The following FBLN2 variants were observed in gnomAD, a reference collection of about 807,000 sequenced individuals.
FBLN2 encodes the protein fibulin 2.
A neutral mutation model predicts 123.7 loss-of-function variants in FBLN2; 81 were observed. That is an observed-to-expected ratio of 0.65 (90% CI 0.55 to 0.79). The LOEUF (loss-of-function observed/expected upper bound fraction) is 0.79. Ranked by LOEUF, FBLN2 falls within the 30% of genes least tolerant of loss-of-function variation. FBLN2 has a pLI of 0.00. For missense variants in FBLN2, 1,603 were observed against 1,681.3 expected, an observed-to-expected ratio of 0.95 and a Z score of 0.81; for synonymous variants, 699 against 701.4, an observed-to-expected ratio of 1.00 and a Z score of 0.05.
intron 1 of FBLN2, among the ~76,000 whole-genome samples, chr3:13,558,874 G>A: frequency 6.6e-6 from 1 of 151,066 alleles, no homozygotes. Flanking sequence ...TTTAAAGCAT[G>A]GGGTGGGATT....
chr3:13,580,380 C>T (rs190589184), intron 2 of FBLN2, among the ~76,000 whole-genome samples: 5 of 152,242 alleles, frequency 3.3e-5, no homozygotes, highest in Admixed American at 6.5e-5. Flanking sequence ...TCTATTCATG[C>T]GACAAATATT....
At chr3:13,573,822 C>T (rs1439565028) in intron 2 of FBLN2, among the ~76,000 whole-genome samples, 4 of 150,740 alleles carry the variant, frequency 2.7e-5, no homozygotes, top group Middle Eastern at 3.2e-3. Context: ...AGAATCACCA[C>T]CTGGGAGGCA....
chr3:13,557,533 T>G (rs1703494666), intron 1 of FBLN2, among the ~76,000 whole-genome samples: 2 of 152,236 alleles, frequency 1.3e-5, no homozygotes, highest in African/African-American at 4.8e-5. Flanking sequence ...GTTCTCTGTG[T>G]TCCATACTCC....
chr3:13,549,326 C>A (rs1207882823), intron 1 of FBLN2, 118 bp downstream of exon 1: 14 of 645,022 alleles, frequency 2.2e-5, no homozygotes, highest in Non-Finnish European at 2.7e-5. Flanking sequence ...ACGCGCCTCG[C>A]GGGCTGCCCG....
chr3:13,571,414 G>A lies in FBLN2; in HGVS notation c.1059G>A (p.Pro353=), dbSNP rs200312025. 5.4e-5 allele frequency: 87 copies of A among 1,612,864 alleles called. No homozygotes were observed. The Admixed American group carries it at 7.0e-4, about 13-fold the overall frequency. ...AAGCCACGTCCCGCAGCACTGGGCC[G>A]GAGGGCGTGACGCATGCACCGAGCC... is the stretch of plus-strand genomic sequence containing the variant. ...DAQATSRSTG[P]EGVTHAPSLG... is the part of the protein sequence containing the mutation. The change falls in exon 2 of 18, where the codon CCG becomes CCA. Residue 353 remains proline (P), a synonymous_variant. Transcript: ENST00000404922.
At chr3:13,569,509 G>C (rs546862792) in intron 1 of FBLN2, among the ~76,000 whole-genome samples, 1 of 152,124 alleles carries the variant, frequency 6.6e-6, no homozygotes, top group Non-Finnish European at 1.5e-5. Flanking sequence ...TAGAGACCGT[G>C]GGGAGGGAGT....
intron 2 of FBLN2, among the ~76,000 whole-genome samples, chr3:13,586,411 C>A (rs890561147): frequency 1.3e-5 from 2 of 151,458 alleles, no homozygotes. Flanking sequence ...TCGTGAACTC[C>A]TGACCTCGTG....
At chr3:13,583,059 C>A (rs563846382) in intron 2 of FBLN2, among the ~76,000 whole-genome samples, 2 of 152,276 alleles carry the variant, frequency 1.3e-5, no homozygotes, top group Admixed American at 1.3e-4. Context: ...ACTCTTGTTT[C>A]GGCCCCTGCC....
intron 2 of FBLN2, among the ~76,000 whole-genome samples, chr3:13,605,783 C>T (rs1041319442): frequency 2.0e-5 from 3 of 152,188 alleles, no homozygotes; most frequent in Non-Finnish European, 2.9e-5. Context: ...CACATCTCTC[C>T]AGCTGGCCGC....
chr3:13,551,748 A>G (rs1703328931), intron 1 of FBLN2, among the ~76,000 whole-genome samples: 1 of 152,056 alleles, frequency 6.6e-6, no homozygotes, highest in African/African-American at 2.4e-5. Context: ...AAGATTGCAC[A>G]GCCACTTGAC....
At chr3:13,593,748 C>G (rs1395427054) in intron 2 of FBLN2, among the ~76,000 whole-genome samples, 1 of 149,402 alleles carries the variant, frequency 6.7e-6, no homozygotes, top group African/African-American at 2.5e-5. Context: ...AGATAATTGC[C>G]CCTAGCCTGC....
chr3:13,609,688 G>GGGGGGGGGGGGGGCCC, intron 4 of FBLN2, 46 bp downstream of exon 4: 6 of 512,584 alleles, frequency 1.2e-5, no homozygotes, highest in Non-Finnish European at 2.2e-5. Flanking sequence ...GTGGGGCGGG[G>GGGGGGGGGGGGGGCCC]CGGGAGGCTG....
chr3:13,617,852 A>G (rs988701612), intron 5 of FBLN2, among the ~76,000 whole-genome samples: 1 of 142,624 alleles, frequency 7.0e-6, no homozygotes, highest in Non-Finnish European at 1.5e-5. Context: ...ATCCATCTAT[A>G]CCCATCCGTC....
In FBLN2 at chr3:13,637,677, C is replaced by A. The variant is rs376742630; in HGVS notation, c.3454C>A (p.Arg1152Ser). The change falls in exon 18 of 18, where the codon CGC becomes AGC. Residue 1152 changes from arginine (R) to serine (S), a missense_variant. Transcript: ENST00000404922. ...TGLLVPAHIFRIGPAPAFTGD... is the reference protein window; with the variant it reads ...TGLLVPAHIFSIGPAPAFTGD... ...CCTCCTGGTGCCTGCGCATATCTTC[C>A]GCATTGGCCCCGCGCCAGCCTTCAC... The A allele has an allele frequency of 6.2e-7, 1 of 1,613,960 alleles. No individual in the cohort carries two copies. Among genetic ancestry groups the A allele is most frequent in the Non-Finnish European group, 8.5e-7 (1 of 1,179,860 alleles).
chr3:13,567,316 C>T lies in FBLN2; in HGVS notation c.-41-2999C>T, dbSNP rs142365885. Among the ~76,000 whole-genome samples, 827 of 152,278 alleles carry T rather than the reference C, an allele frequency of 5.4e-3. 8 individuals carry two copies. Among genetic ancestry groups the T allele is most frequent in the African/African-American group, 0.019 (798 of 41,550 alleles). On this transcript the variant is annotated intron_variant, in intron 1 of 17. Coordinates refer to ENST00000404922, the MANE Select transcript of FBLN2 (RefSeq NM_001004019.2). ...CGTTCATGCCTAGGTGTGTGATGCA[C>T]CTGAAGGCAGGAGGGCAGGGAGCTT...
rs371692840 is a variant in FBLN2 at position 13,614,154 on chromosome 3, A to C, written c.1719A>C (p.Ala573=). The C allele has an allele frequency of 9.3e-6, 15 of 1,611,614 alleles. No homozygotes were observed. In the African/African-American group the frequency reaches 1.9e-4, roughly 20 times the overall value. ...EVRRPPEPAA[A]PRRVSEAEMA... ...GCCGACCTCCAGAGCCCGCAGCTGC[A>C]CCACGGAGAGGTGAGTGCTGCTCTT... Residue 573 remains alanine (A), a synonymous_variant, in exon 5 of 18, where the codon GCA becomes GCC. Coordinates refer to ENST00000404922, the MANE Select transcript of FBLN2 (RefSeq NM_001004019.2).
chr3:13,598,285 C>A (rs140865961), intron 2 of FBLN2, among the ~76,000 whole-genome samples: 360 of 152,334 alleles, frequency 2.4e-3, no homozygotes, highest in African/African-American at 7.6e-3. Context: ...CTTACGTTCC[C>A]ACTTGTGAAA....
In FBLN2 at chr3:13,624,762, C is replaced by T. The variant is rs943013409; in HGVS notation, c.2297-1683C>T. Among the ~76,000 whole-genome samples, 10 of 152,378 alleles carry T rather than the reference C, an allele frequency of 6.6e-5. No homozygotes were observed. The South Asian group carries it at 8.3e-4, about 13-fold the overall frequency. On this transcript the variant is annotated intron_variant, in intron 9 of 17. Coordinates refer to ENST00000404922, the MANE Select transcript of FBLN2 (RefSeq NM_001004019.2). ...TTGAGGGCCGGGGCTGGGGCCGACA[C>T]ACCCACTTGGTCACAGGAGCCTAGC...
chr3:13,636,972 G>A (rs777466926), intron 17 of FBLN2, among the ~76,000 whole-genome samples: 2 of 152,224 alleles, frequency 1.3e-5, no homozygotes, highest in African/African-American at 2.4e-5. Flanking sequence ...CCGGGGTGCG[G>A]GATCCTGCCA....
Sources: allele counts gnomAD v4.1 joint callset (sites outside exome capture counted in the v4.1 genomes callset), GRCh38; gene constraint gnomAD v4.1.1; transcripts MANE v1.5; gene names NCBI Gene and HGNC (gene_info 2026-07-23, HGNC 2026-07-21).